Variants in TDP2 observed in about 807,000 individuals in gnomAD.
The protein encoded by TDP2 is 5'-Tyr-DNA phosphodiesterase.
Under a neutral mutation model 42.8 loss-of-function variants are expected in TDP2, and 38 were observed. That is an observed-to-expected ratio of 0.89 (90% CI 0.68 to 1.16). The LOEUF (loss-of-function observed/expected upper bound fraction) is 1.16. TDP2 is among the 50% of genes most tolerant of loss of function. The pLI, the probability that TDP2 is intolerant of heterozygous loss-of-function variation, is 0.00. For synonymous variants in TDP2, 173 were observed against 150.6 expected (o/e 1.15, Z -1.09); for missense variants, 439 against 439.3 (o/e 1.00, Z 0.01).
chr6:24,658,448 C>A, intron 3 of TDP2, 113 bp downstream of exon 3: 1 of 784,808 alleles, frequency 1.3e-6, no homozygotes, highest in Non-Finnish European at 1.9e-6. Context: ...TCAGATGTTT[C>A]TTCTCAGAGC....
At chr6:24,656,014 T>C (rs1778056018) in intron 4 of TDP2, among the ~76,000 whole-genome samples, 2 of 152,068 alleles carry the variant, frequency 1.3e-5, no homozygotes, top group South Asian at 4.1e-4. Flanking sequence ...AAGCCAAGGA[T>C]CCCTACATAT....
rs753098097 is a variant in TDP2, at chr6:24,650,740, A to G, written c.*48T>C. On this transcript the variant is annotated 3_prime_UTR_variant, in exon 7 of 7. Coordinates refer to ENST00000378198, the MANE Select transcript of TDP2 (RefSeq NM_016614.3). ...GCAAACCTACCTTTCCAGAAGGTGG[A>G]AATTGTATTTGCAACAATCAGGGCA... 1 of 1,582,608 alleles carries G rather than the reference A, an allele frequency of 6.3e-7. No individual in the cohort carries two copies. The highest frequency in any genetic ancestry group is 1.7e-5 in the Admixed American group (1 of 57,210).
At chr6:24,665,059 A>C (rs1211903203) in intron 2 of TDP2, among the ~76,000 whole-genome samples, 2 of 152,202 alleles carry the variant, frequency 1.3e-5, no homozygotes, top group Admixed American at 1.3e-4. Context: ...AGAATTTATA[A>C]GGAAACAAAC....
At chr6:24,652,178 C>T (rs1424476250) in intron 6 of TDP2, among the ~76,000 whole-genome samples, 1 of 152,158 alleles carries the variant, frequency 6.6e-6, no homozygotes, top group Non-Finnish European at 1.5e-5. Flanking sequence ...AAGATTCGCC[C>T]ATATTGTAGC....
chr6:24,651,166 G>T, intron 6 of TDP2, 97 bp from the exon 7 acceptor site: 1 of 958,796 alleles, frequency 1.0e-6, no homozygotes, highest in Non-Finnish European at 1.5e-6. Flanking sequence ...TACCGTGCAA[G>T]AAATTATTAA....
intron 4 of TDP2, among the ~76,000 whole-genome samples, chr6:24,656,241 A>C (rs753884503): frequency 9.9e-5 from 15 of 152,216 alleles, no homozygotes; most frequent in Non-Finnish European, 1.9e-4. Flanking sequence ...AATGCTATCT[A>C]AAAGTCAAGA....
At chr6:24,665,983 G>A in intron 2 of TDP2, 4 of 1,200,976 alleles carry the variant, frequency 3.3e-6, no homozygotes, top group Non-Finnish European at 4.3e-6. Context: ...ACCTGGAAAG[G>A]CAGGTTCTAA....
intron 2 of TDP2, chr6:24,659,297 C>CCTTA (rs533256194): frequency 2.6e-4 from 40 of 152,350 alleles, no homozygotes; most frequent in African/African-American, 7.7e-4. Context: ...GGTTTGGCGG[C>CCTTA]CTTACAATTA....
At chr6:24,666,183 T>A (rs1360319890) in intron 2 of TDP2, 1 of 1,550,560 alleles carries the variant, frequency 6.4e-7, no homozygotes, top group Admixed American at 2.0e-5. Context: ...CAAGGAGACT[T>A]CCAAGTTGCC....
rs1237075915 is a variant in TDP2 at position 24,650,006 on chromosome 6, C to A, written c.*782G>T. 6.6e-6 allele frequency: 1 copy of A among 152,154 alleles called. No individual in the cohort carries two copies. Among genetic ancestry groups the A allele is most frequent in the Non-Finnish European group, 1.5e-5 (1 of 68,024 alleles). The allele number at this position is 152,154 out of a possible 1,614,324, so 9.4% of individuals were successfully genotyped here. On this transcript the variant is annotated 3_prime_UTR_variant, in exon 7 of 7. Coordinates refer to ENST00000378198, the MANE Select transcript of TDP2 (RefSeq NM_016614.3). ...CAAATAAAATTCTTTATTTAAATTTCTCTTGTGGGGAAAATATTTTTCTTT... is the reference window on the plus strand; with the variant it reads ...CAAATAAAATTCTTTATTTAAATTTATCTTGTGGGGAAAATATTTTTCTTT...
intron 2 of TDP2, among the ~76,000 whole-genome samples, chr6:24,659,546 T>C (rs909147088): frequency 1.3e-5 from 2 of 152,254 alleles, no homozygotes; most frequent in South Asian, 2.1e-4. Flanking sequence ...TAGGCAGTTA[T>C]AAACAACTTA....
intron 2 of TDP2, among the ~76,000 whole-genome samples, chr6:24,664,613 A>G (rs1778203031): frequency 6.6e-6 from 1 of 152,164 alleles, no homozygotes; most frequent in African/African-American, 2.4e-5. Flanking sequence ...AAGACAGCCA[A>G]TGCCCTTGCT....
rs763435098 is a variant in TDP2 at position 24,658,032 on chromosome 6, T to C, written c.426-129A>G. 8 of 564,314 alleles carry C rather than the reference T, an allele frequency of 1.4e-5. No individual in the cohort carries two copies. The Middle Eastern group carries it at 1.2e-3, about 82-fold the overall frequency. The allele number at this position is 564,314 out of a possible 1,614,324, so 35.0% of individuals were successfully genotyped here. On this transcript the variant is annotated intron_variant, in intron 3 of 6. Transcript: ENST00000378198. The stretch of plus-strand genomic sequence containing the variant: ...TAGGGCACCTAATATTGAGTGTTTA[T>C]GCTGATCTTTGATAACTATAAAATG...
intron 2 of TDP2, among the ~76,000 whole-genome samples, chr6:24,664,194 C>A (rs1778195942): frequency 6.6e-6 from 1 of 152,024 alleles, no homozygotes; most frequent in Non-Finnish European, 1.5e-5. Context: ...TGGGTGAGAC[C>A]TAAGATTCTG....
intron 2 of TDP2, 122 bp downstream of exon 2, chr6:24,666,404 G>A: frequency 8.4e-6 from 12 of 1,420,636 alleles, no homozygotes; most frequent in Non-Finnish European, 1.2e-5. Context: ...CTCTGGCTAC[G>A]CAGCTTGGAG....
intron 5 of TDP2, among the ~76,000 whole-genome samples, chr6:24,653,715 C>T (rs1431013237): frequency 1.3e-5 from 2 of 152,152 alleles, no homozygotes; most frequent in African/African-American, 4.8e-5. Context: ...GTCATTCATG[C>T]TCTTCTATAA....
At chr6:24,655,022 T>C (rs1441581472) in intron 4 of TDP2, among the ~76,000 whole-genome samples, 4 of 151,776 alleles carry the variant, frequency 2.6e-5, no homozygotes, top group African/African-American at 7.3e-5. Flanking sequence ...TAGGCAACAA[T>C]AGTGAAATTC....
intron 2 of TDP2, among the ~76,000 whole-genome samples, chr6:24,662,155 AG>A (rs1778158665): frequency 1.3e-5 from 2 of 152,166 alleles, no homozygotes; most frequent in Admixed American, 1.3e-4. Context: ...GTATTGTCCA[AG>A]GATTCCCCCC....
At chr6:24,658,327 G>A (rs1026085495) in intron 3 of TDP2, among the ~76,000 whole-genome samples, 3 of 152,282 alleles carry the variant, frequency 2.0e-5, no homozygotes, top group African/African-American at 4.8e-5. Context: ...ACGTAGTTAC[G>A]ATAAACAAAG....
Sources: gnomAD v4.1 joint callset for allele counts (sites outside exome capture counted in the v4.1 genomes callset) on GRCh38, gnomAD v4.1.1 for gene constraint, MANE v1.5 for transcripts, NCBI Gene and HGNC (gene_info 2026-07-23, HGNC 2026-07-21) for gene names.